ATP6V1C1: variants seen among roughly 807,000 people sequenced by gnomAD.
ATP6V1C1 encodes the protein V-type proton ATPase subunit C 1.
In ATP6V1C1, 45 loss-of-function variants were observed where a neutral mutation model predicts 53.9. The observed-to-expected ratio is 0.83, with a 90% CI of 0.66 to 1.07. The LOEUF is 1.07. Among genes scored for constraint, ATP6V1C1 ranks in the 50% least tolerant of loss-of-function variants. ATP6V1C1 has a pLI of 0.00. For synonymous variants in ATP6V1C1, 153 were observed against 155.2 expected (o/e 0.99, Z 0.11); for missense variants, 315 against 440.3 (o/e 0.72, Z 2.55).
At chr8:103,041,820 C>G (rs1434687189) in intron 2 of ATP6V1C1, among the ~76,000 whole-genome samples, 4 of 151,896 alleles carry the variant, frequency 2.6e-5, no homozygotes, top group Non-Finnish European at 5.9e-5. Context: ...TGCAGTGAGC[C>G]AAGATCATAC....
intron 11 of ATP6V1C1, among the ~76,000 whole-genome samples, chr8:103,065,580 CACAAA>C (rs1310274432): frequency 2.6e-5 from 4 of 151,610 alleles, no homozygotes; most frequent in African/African-American, 9.7e-5. Flanking sequence ...AAAAACAAAA[CACAAA>C]ACAAACAAAA....
chr8:103,042,335 T>C lies in ATP6V1C1; in HGVS notation c.133-5T>C, dbSNP rs1474224973. On this transcript the variant is annotated splice_polypyrimidine_tract_variant and splice_region_variant and intron_variant, in intron 2 of 12. Transcript: ENST00000518738. ...CACCTAAATAACAATATATTTTCCT[T>C]TTAGGTTGGCACGTTGGATGTCTTG... The C allele has an allele frequency of 6.2e-7, 1 of 1,613,716 alleles. No individual in the cohort carries two copies. Among genetic ancestry groups the C allele is most frequent in the Non-Finnish European group, 8.5e-7 (1 of 1,179,800 alleles).
At chr8:103,064,640 C>T in intron 10 of ATP6V1C1, 74 bp from the exon 11 acceptor site, 2 of 1,227,630 alleles carry the variant, frequency 1.6e-6, no homozygotes, top group Non-Finnish European at 2.3e-6. Flanking sequence ...TAGGTAGTCA[C>T]TTAAAAAAAT....
At chr8:103,068,604 T>C in intron 12 of ATP6V1C1, 48 bp from the exon 13 acceptor site, 5 of 1,431,062 alleles carry the variant, frequency 3.5e-6, no homozygotes, top group Non-Finnish European at 4.8e-6. Flanking sequence ...CTTTCTTTTT[T>C]TGAGTTCTGT....
chr8:103,034,123 G>T (rs57837625), intron 1 of ATP6V1C1, among the ~76,000 whole-genome samples: 144 of 152,192 alleles, frequency 9.5e-4, no homozygotes, highest in African/African-American at 3.4e-3. Context: ...ATCTAGACTA[G>T]AATTGCCTCA....
chr8:103,050,919 C>G, intron 4 of ATP6V1C1, 131 bp from the exon 5 acceptor site: 2 of 656,948 alleles, frequency 3.0e-6, no homozygotes, highest in Non-Finnish European at 5.3e-6. Context: ...CACATTTAAT[C>G]AGGATTCTTC....
intron 11 of ATP6V1C1, among the ~76,000 whole-genome samples, chr8:103,065,231 A>G (rs1327020687): frequency 1.3e-5 from 2 of 152,214 alleles, no homozygotes; most frequent in Non-Finnish European, 2.9e-5. Context: ...GGTCCAATGT[A>G]TGGGTTGCTC....
At chr8:103,021,726 A>G (rs923282875) in intron 1 of ATP6V1C1, among the ~76,000 whole-genome samples, 8 of 152,156 alleles carry the variant, frequency 5.3e-5, no homozygotes, top group Middle Eastern at 3.2e-3. Flanking sequence ...AGAGTACACA[A>G]GGTCCCTCTA....
At chr8:103,032,058 T>C (rs1182752312) in intron 1 of ATP6V1C1, among the ~76,000 whole-genome samples, 2 of 151,668 alleles carry the variant, frequency 1.3e-5, no homozygotes, top group Non-Finnish European at 2.9e-5. Context: ...AAATCGGACA[T>C]TGGCAGAATT....
rs1450747607 is a variant in ATP6V1C1 at position 103,071,563 on chromosome 8, T to G, written c.*2816T>G. Reference sequence around the variant, plus strand: ...ATGGACAATGGTATAGGAAAGATATTCGGTATGGAGAATCAGATGTTAACT... The same window carrying G: ...ATGGACAATGGTATAGGAAAGATATGCGGTATGGAGAATCAGATGTTAACT... On this transcript the variant is annotated 3_prime_UTR_variant, in exon 13 of 13. Transcript: ENST00000518738. 1 of 152,280 alleles carries G rather than the reference T, an allele frequency of 6.6e-6. No individual in the cohort carries two copies. Among genetic ancestry groups the G allele is most frequent in the African/African-American group, 2.4e-5 (1 of 41,440 alleles). 9.4% of individuals were successfully genotyped at this position (152,280 alleles called of 1,614,324 possible).
At chr8:103,028,583 A>G (rs981444384) in intron 1 of ATP6V1C1, among the ~76,000 whole-genome samples, 1 of 152,346 alleles carries the variant, frequency 6.6e-6, no homozygotes, top group African/African-American at 2.4e-5. Context: ...CCTGGGCCTC[A>G]CCTAGTATAG....
Position 103,042,415 on chromosome 8 carries a change from A to T in ATP6V1C1, c.200+8A>T. ...GGATGCATTTGTAGAAGGGTAATGT[A>T]CTTATATGCATGGAGTAGAGCAAAA... On this transcript the variant is annotated splice_region_variant and intron_variant, in intron 3 of 12. Coordinates refer to ENST00000518738, the MANE Select transcript of ATP6V1C1 (RefSeq NM_001695.5). The T allele has an allele frequency of 6.2e-7, 1 of 1,613,552 alleles. No homozygotes were observed. The highest frequency in any genetic ancestry group is 8.5e-7 in the Non-Finnish European group (1 of 1,179,650).
Position 103,049,877 on chromosome 8 carries a change from A to C in ATP6V1C1, c.286+922A>C, listed in dbSNP as rs577401153. ...GAGGCTGAGGAGGGGGGATTGCTTG[A>C]GCCCAGGAGTTCAAGGCTGCAGTGA... On this transcript the variant is annotated intron_variant, in intron 4 of 12. Transcript: ENST00000518738. Among the ~76,000 whole-genome samples the C allele has an allele frequency of 7.2e-5, 11 of 152,248 alleles. No individual in the cohort carries two copies. In the South Asian group the frequency reaches 2.3e-3, roughly 32 times the overall value.
intron 1 of ATP6V1C1, among the ~76,000 whole-genome samples, chr8:103,029,533 G>A (rs1310103543): frequency 1.3e-5 from 2 of 152,170 alleles, no homozygotes; most frequent in South Asian, 2.1e-4. Flanking sequence ...CTCCCAAAGT[G>A]TTGGGATTAC....
At chr8:103,029,248 T>C (rs895390151) in intron 1 of ATP6V1C1, among the ~76,000 whole-genome samples, 4 of 151,778 alleles carry the variant, frequency 2.6e-5, no homozygotes, top group Non-Finnish European at 4.4e-5. Context: ...TTTTGTTCTT[T>C]CTTCCTTCCT....
intron 7 of ATP6V1C1, among the ~76,000 whole-genome samples, chr8:103,055,653 A>G (rs995027787): frequency 1.4e-4 from 21 of 152,084 alleles, no homozygotes; most frequent in African/African-American, 4.6e-4. Context: ...TGCAATGGTT[A>G]CTGGAGGTAG....
At chr8:103,034,983 G>A (rs1225409699) in intron 1 of ATP6V1C1, among the ~76,000 whole-genome samples, 1 of 152,194 alleles carries the variant, frequency 6.6e-6, no homozygotes, top group Non-Finnish European at 1.5e-5. Flanking sequence ...ACTGTCATAG[G>A]AAGTTGTTAC....
intron 4 of ATP6V1C1, among the ~76,000 whole-genome samples, chr8:103,050,215 T>G (rs1421506154): frequency 6.6e-6 from 1 of 152,242 alleles, no homozygotes. Flanking sequence ...AACGAAGGTA[T>G]GTTAGATATT....
At chr8:103,033,783 C>T (rs1256702621) in intron 1 of ATP6V1C1, among the ~76,000 whole-genome samples, 1 of 152,216 alleles carries the variant, frequency 6.6e-6, no homozygotes, top group Non-Finnish European at 1.5e-5. Flanking sequence ...TGGGGTTTCT[C>T]TAACTACTAA....
Sources: allele counts gnomAD v4.1 joint callset (sites outside exome capture counted in the v4.1 genomes callset), GRCh38; gene constraint gnomAD v4.1.1; transcripts MANE v1.5; gene names NCBI Gene and HGNC (gene_info 2026-07-23, HGNC 2026-07-21).